PHTF2: variants seen among roughly 807,000 people sequenced by gnomAD.
PHTF2 encodes the protein putative homeodomain transcription factor 2, also known as protein PHTF2.
A neutral mutation model predicts 101.2 loss-of-function variants in PHTF2; 60 were observed. The ratio of observed to expected loss-of-function variants is 0.59; its 90% CI spans 0.48 to 0.73. The LOEUF (loss-of-function observed/expected upper bound fraction) is 0.73. Among genes scored for constraint, PHTF2 ranks in the 30% least tolerant of loss-of-function variants. The probability of loss-of-function intolerance (pLI) is 0.00; values close to 1 mark genes in which losing one functional copy is unlikely to be tolerated. For missense variants in PHTF2, 747 were observed against 908.7 expected (o/e 0.82, Z 2.29); for synonymous variants, 311 against 307.3 (o/e 1.01, Z -0.13).
chr7:77,823,312 C>T (rs1794453327), intron 1 of PHTF2, among the ~76,000 whole-genome samples: 1 of 152,092 alleles, frequency 6.6e-6, no homozygotes, highest in Non-Finnish European at 1.5e-5. Context: ...CCTCTGCCTC[C>T]CGGGTTCAAG....
chr7:77,805,626 C>G (rs1792913029), intron 1 of PHTF2, among the ~76,000 whole-genome samples: 1 of 152,116 alleles, frequency 6.6e-6, no homozygotes, highest in Admixed American at 6.6e-5. Flanking sequence ...GTTCAGAATC[C>G]TTGATAAATT....
intron 19 of PHTF2, 89 bp downstream of exon 18, chr7:77,953,983 C>G: frequency 9.9e-7 from 1 of 1,006,876 alleles, no homozygotes; most frequent in Non-Finnish European, 1.5e-6. Flanking sequence ...GTAATGCGGT[C>G]ATTTTGGTAA....
At chr7:77,821,705 A>C (rs923025724) in intron 1 of PHTF2, among the ~76,000 whole-genome samples, 43 of 151,680 alleles carry the variant, frequency 2.8e-4, no homozygotes, top group African/African-American at 9.2e-4. Context: ...GAATCTGTCT[A>C]CCGGGGGGGC....
chr7:77,937,298 T>C (rs1009536316), intron 12 of PHTF2, among the ~76,000 whole-genome samples: 3 of 152,230 alleles, frequency 2.0e-5, no homozygotes, highest in Admixed American at 6.5e-5. Flanking sequence ...CAAGTTGATA[T>C]CCATTTGTCT....
intron 3 of PHTF2, among the ~76,000 whole-genome samples, chr7:77,887,936 G>GA (rs561604610): frequency 1.0e-3 from 154 of 152,268 alleles, no homozygotes; most frequent in African/African-American, 3.5e-3. Flanking sequence ...TATAAATCAG[G>GA]ATTTCAGAGT....
intron 5 of PHTF2, among the ~76,000 whole-genome samples, chr7:77,900,355 C>T (rs987001946): frequency 1.3e-5 from 2 of 152,102 alleles, no homozygotes; most frequent in African/African-American, 2.4e-5. Flanking sequence ...GCTGCTGCTC[C>T]CCTAGCTAGC....
At chr7:77,802,228 G>T (rs1200208749) in intron 1 of PHTF2, among the ~76,000 whole-genome samples, 1 of 152,176 alleles carries the variant, frequency 6.6e-6, no homozygotes, top group Non-Finnish European at 1.5e-5. Context: ...AGCTTTAAAT[G>T]ATAATGGTAT....
At chr7:77,950,105 A>G (rs942634477) in intron 17 of PHTF2, among the ~76,000 whole-genome samples, 3 of 152,214 alleles carry the variant, frequency 2.0e-5, no homozygotes, top group Admixed American at 6.5e-5. Flanking sequence ...TGAATGGGAC[A>G]TGTTTGCTTT....
chr7:77,841,000 C>G (rs1795821956), intron 2 of PHTF2, among the ~76,000 whole-genome samples: 5 of 149,302 alleles, frequency 3.3e-5, no homozygotes, highest in Non-Finnish European at 5.9e-5. Context: ...CATTTTTATA[C>G]CTTATTCTTC....
exon 12 of PHTF2, chr7:77,929,182 C>A: frequency 6.2e-7 from 1 of 1,613,842 alleles, no homozygotes; most frequent in Non-Finnish European, 8.5e-7. Flanking sequence ...AGTGCAAGGC[C>A]AGAATCTGAA....
At chr7:77,926,207 A>G (rs528045161) in intron 11 of PHTF2, among the ~76,000 whole-genome samples, 3 of 152,358 alleles carry the variant, frequency 2.0e-5, no homozygotes, top group East Asian at 1.9e-4. Context: ...TCTGCAACAG[A>G]CGTTATATAT....
At chr7:77,870,373 T>G (rs1798418835) in intron 3 of PHTF2, among the ~76,000 whole-genome samples, 1 of 152,116 alleles carries the variant, frequency 6.6e-6, no homozygotes, top group African/African-American at 2.4e-5. Context: ...ATAGGCCATC[T>G]GCAGGCTGAG....
At chr7:77,812,797 G>T (rs1430396471) in intron 1 of PHTF2, among the ~76,000 whole-genome samples, 1 of 152,062 alleles carries the variant, frequency 6.6e-6, no homozygotes, top group Non-Finnish European at 1.5e-5. Context: ...CACTGTGTTA[G>T]CCAGGATGGT....
chr7:77,827,877 T>G (rs771970979), intron 1 of PHTF2, among the ~76,000 whole-genome samples: 2 of 151,962 alleles, frequency 1.3e-5, no homozygotes, highest in Admixed American at 6.6e-5. Flanking sequence ...CTCCTGACCT[T>G]AAGTGATCCA....
intron 7 of PHTF2, among the ~76,000 whole-genome samples, chr7:77,904,753 G>T (rs191823715): frequency 2.2e-4 from 33 of 152,332 alleles, no homozygotes; most frequent in African/African-American, 7.5e-4. Context: ...TATAGGCCCT[G>T]TCTCCAAACG....
intron 3 of PHTF2, among the ~76,000 whole-genome samples, chr7:77,864,439 T>C (rs558599491): frequency 1.3e-5 from 2 of 152,350 alleles, no homozygotes; most frequent in South Asian, 4.1e-4. Context: ...ATAAACTCTT[T>C]GCAAGGCCTA....
chr7:77,886,263 G>T (rs1799838735), intron 3 of PHTF2, among the ~76,000 whole-genome samples: 1 of 152,108 alleles, frequency 6.6e-6, no homozygotes, highest in Non-Finnish European at 1.5e-5. Context: ...GTTTTTCAAA[G>T]ATACTTCTTT....
chr7:77,949,642 C>T (rs759953224), intron 16 of PHTF2, 36 bp from the exon 16 acceptor site: 11 of 1,248,052 alleles, frequency 8.8e-6, no homozygotes, highest in South Asian at 8.7e-5. Context: ...GTTTGAATCA[C>T]ATTGCTGCTT....
intron 3 of PHTF2, among the ~76,000 whole-genome samples, chr7:77,883,758 G>A (rs1217655351): frequency 3.9e-5 from 6 of 151,976 alleles, no homozygotes; most frequent in Non-Finnish European, 7.4e-5. Flanking sequence ...TACTCTTATT[G>A]CTTCTATCTG....
Sources: gnomAD v4.1 joint callset for allele counts (sites outside exome capture counted in the v4.1 genomes callset) on GRCh38, gnomAD v4.1.1 for gene constraint, MANE v1.5 for transcripts, NCBI Gene and HGNC (gene_info 2026-07-23, HGNC 2026-07-21) for gene names.